Variants in UBE4A observed in about 807,000 individuals in gnomAD.
UBE4A encodes the protein ubiquitin conjugation factor E4 A.
In UBE4A, 48 loss-of-function variants were observed where a neutral mutation model predicts 117.9. The observed-to-expected ratio is 0.41, with a 90% CI of 0.32 to 0.52. UBE4A has a LOEUF of 0.52. Ranked by LOEUF, UBE4A falls within the 20% of genes least tolerant of loss-of-function variation. The pLI, the probability that UBE4A is intolerant of heterozygous loss-of-function variation, is 0.33. For missense variants in UBE4A, 1,067 were observed against 1,296.3 expected (o/e 0.82, Z 2.72); for synonymous variants, 407 against 450.0 (o/e 0.90, Z 1.21).
chr11:118,370,674 T>C lies in UBE4A; in HGVS notation c.409-840T>C, dbSNP rs117780733. Among the ~76,000 whole-genome samples the C allele has an allele frequency of 1.8e-3, 270 of 152,138 alleles. 1 individual carries two copies. Among genetic ancestry groups the C allele is most frequent in the Non-Finnish European group, 3.1e-3 (214 of 67,996 alleles). On this transcript the variant is annotated intron_variant, in intron 4 of 19. Coordinates refer to ENST00000252108, the MANE Select transcript of UBE4A (RefSeq NM_001204077.2). ...AGTAATTTATAAAGAAAAGTTTATT[T>C]AGCTCACAGTTCTGCAGGCTGAGAA...
intron 17 of UBE4A, 50 bp from the exon 18 acceptor site, chr11:118,390,607 C>T (rs369523625): frequency 7.1e-7 from 1 of 1,411,098 alleles, no homozygotes; most frequent in Non-Finnish European, 9.3e-7. Context: ...TTGTCTCTTC[C>T]ATTGACCAAC....
intron 8 of UBE4A, 124 bp downstream of exon 8, chr11:118,373,809 C>A: frequency 1.7e-6 from 2 of 1,190,426 alleles, no homozygotes; most frequent in Non-Finnish European, 2.3e-6. Context: ...GCTTTTACAT[C>A]ACATAAATAA....
intron 9 of UBE4A, among the ~76,000 whole-genome samples, chr11:118,376,327 T>C (rs1948652043): frequency 6.6e-6 from 1 of 152,222 alleles, no homozygotes; most frequent in Non-Finnish European, 1.5e-5. Context: ...ATACAAATGA[T>C]CTATTGCCTA....
intron 18 of UBE4A, among the ~76,000 whole-genome samples, chr11:118,392,358 C>G (rs782245670): frequency 6.6e-6 from 1 of 152,204 alleles, no homozygotes; most frequent in Non-Finnish European, 1.5e-5. Context: ...ATGAGTGACT[C>G]TAATTATGCA....
In UBE4A at chr11:118,384,987, C is replaced by T; in HGVS notation, c.2412+42C>T. ...AAAAAAAGATTTAACTTCTCCATAC[C>T]ATCAAATCATCAGCAGTACATACAT... On this transcript the variant is annotated intron_variant, in intron 15 of 19. Transcript: ENST00000252108. 2.7e-6 allele frequency: 4 copies of T among 1,462,710 alleles called. 1 individual carries two copies. The highest frequency in any genetic ancestry group is 3.8e-6 in the Non-Finnish European group (4 of 1,065,136). 90.6% of individuals were successfully genotyped at this position (1,462,710 alleles called of 1,614,324 possible). A position where few individuals can be genotyped will look rare whatever the true frequency, so the allele number is the denominator to read the frequency against.
chr11:118,380,169 G>GTT (rs1555126089), intron 11 of UBE4A, among the ~76,000 whole-genome samples: 1 of 148,398 alleles, frequency 6.7e-6, no homozygotes, highest in Non-Finnish European at 1.5e-5. Flanking sequence ...GTGTGTGTGT[G>GTT]TGTGTGTCAG....
intron 19 of UBE4A, 75 bp downstream of exon 19, chr11:118,392,970 A>G: frequency 1.4e-6 from 2 of 1,479,986 alleles, no homozygotes; most frequent in South Asian, 2.6e-5. Flanking sequence ...CAGGCACCTA[A>G]GACAGTACTT....
Position 118,381,466 on chromosome 11 carries a change from C to G in UBE4A, c.1952C>G (p.Ala651Gly). Residue 651 changes from alanine (A) to glycine (G), a missense_variant, in exon 12 of 20, where the codon GCA becomes GGA. Ala to Gly is a moderately conservative substitution (Grantham distance 60). Around this residue, in one of 3 missense-constraint regions of UBE4A, gnomAD observed 1,001 missense variants for 1,184.0 expected, o/e 0.85. Coordinates refer to ENST00000252108, the MANE Select transcript of UBE4A (RefSeq NM_001204077.2). ...GCCGATGACATTTTGGAGACATCAG[C>G]AGATTCCCTGGAGCATGTCCTTCAC... ...RFADDILETS[A>G]DSLEHVLHFI... The G allele has an allele frequency of 6.2e-7, 1 of 1,614,184 alleles. No homozygotes were observed. The highest frequency in any genetic ancestry group is 8.5e-7 in the Non-Finnish European group (1 of 1,180,022).
intron 10 of UBE4A, 26 bp from the exon 11 acceptor site, chr11:118,379,420 A>G (rs1948680501): frequency 6.2e-7 from 1 of 1,602,212 alleles, no homozygotes; most frequent in Non-Finnish European, 8.5e-7. Flanking sequence ...TCCCTGACCC[A>G]GTCTCTTCTG....
Position 118,361,002 on chromosome 11 carries a change from G to A in UBE4A, c.-42+1328G>A, listed in dbSNP as rs1948516164. 2.1e-5 allele frequency among the ~76,000 whole-genome samples: 3 copies of A among 140,836 alleles called. No homozygotes were observed. The South Asian group carries it at 8.3e-4, about 39-fold the overall frequency. The allele number at this position is 140,836 out of a possible 152,430, so 92.4% of individuals were successfully genotyped here. ...TATGTATATATGTGTGTGTGTGTGT[G>A]TGTGTATTTTTTTTTTTTTTTTTTT... On this transcript the variant is annotated intron_variant, in intron 1 of 19. Coordinates refer to ENST00000252108, the MANE Select transcript of UBE4A (RefSeq NM_001204077.2).
chr11:118,397,143 T>C lies in UBE4A; in HGVS notation c.*703T>C, dbSNP rs1948882207. ...CCAATTGATGGGGGTGAGGAGACTG[T>C]TGGGCCCTTATTCTCTTATGAAAAT... is the stretch of plus-strand genomic sequence containing the variant. On this transcript the variant is annotated 3_prime_UTR_variant, in exon 20 of 20. Coordinates refer to ENST00000252108, the MANE Select transcript of UBE4A (RefSeq NM_001204077.2). 6.6e-6 allele frequency: 1 copy of C among 152,194 alleles called. No homozygotes were observed. The highest frequency in any genetic ancestry group is 6.5e-5 in the Admixed American group (1 of 15,270). The allele number at this position is 152,194 out of a possible 1,614,324, so 9.4% of individuals were successfully genotyped here. A position where few individuals can be genotyped will look rare whatever the true frequency, so the allele number is the denominator to read the frequency against.
At chr11:118,391,436 C>T (rs1211169006) in intron 18 of UBE4A, among the ~76,000 whole-genome samples, 3 of 149,754 alleles carry the variant, frequency 2.0e-5, no homozygotes, top group African/African-American at 4.9e-5. Flanking sequence ...TTGCAGTGAT[C>T]GCAACCACTG....
chr11:118,385,001 C>T (rs1948743446), intron 15 of UBE4A, 56 bp downstream of exon 15: 1 of 1,431,160 alleles, frequency 7.0e-7, no homozygotes, highest in Non-Finnish European at 9.6e-7. Flanking sequence ...AAATCATCAG[C>T]AGTACATACA....
In UBE4A at chr11:118,369,454, C is replaced by G. The variant is rs964466936; in HGVS notation, c.327C>G (p.Ile109Met). The change falls in exon 4 of 20, where the codon ATC becomes ATG. Residue 109 changes from isoleucine to methionine, a missense_variant. By Grantham distance (10) the Ile-to-Met change is conservative. Coordinates refer to ENST00000252108, the MANE Select transcript of UBE4A (RefSeq NM_001204077.2). Reference sequence around the variant, plus strand: ...CCAGCTTGAAAAGCGGGAATGGCATCCCTAGCCGTTGTGTGTATTTGGAAG... The same window carrying G: ...CCAGCTTGAAAAGCGGGAATGGCATGCCTAGCCGTTGTGTGTATTTGGAAG... ...SDPSLKSGNG[I>M]PSRCVYLEEM... 22 of 1,614,040 alleles carry G rather than the reference C, an allele frequency of 1.4e-5. No individual in the cohort carries two copies. The highest frequency in any genetic ancestry group is 1.5e-5 in the Non-Finnish European group (18 of 1,180,032).
intron 4 of UBE4A, among the ~76,000 whole-genome samples, chr11:118,371,201 C>T (rs912138038): frequency 3.3e-5 from 5 of 152,186 alleles, no homozygotes; most frequent in African/African-American, 1.2e-4. Context: ...GATCAGCAAT[C>T]ACACAGAATA....
chr11:118,367,776 G>A (rs946390511), intron 2 of UBE4A, among the ~76,000 whole-genome samples: 1 of 152,116 alleles, frequency 6.6e-6, no homozygotes, highest in Non-Finnish European at 1.5e-5. Context: ...GGGATTACAG[G>A]TGTGAGCCAC....
chr11:118,375,373 T>G, intron 9 of UBE4A, 144 bp downstream of exon 9: 2 of 864,576 alleles, frequency 2.3e-6, no homozygotes, highest in Non-Finnish European at 3.3e-6. Flanking sequence ...TTTTTCTTTT[T>G]TTTTGAGATG....
intron 9 of UBE4A, 41 bp downstream of exon 9, chr11:118,375,270 G>GTA: frequency 6.7e-7 from 1 of 1,503,632 alleles, no homozygotes; most frequent in South Asian, 1.3e-5. Context: ...GTGTGTGTGT[G>GTA]TGTGTAACGT....
chr11:118,381,615 A>T, intron 12 of UBE4A, 92 bp downstream of exon 12: 1 of 1,519,424 alleles, frequency 6.6e-7, no homozygotes. Flanking sequence ...CTGAATCATA[A>T]GGGGTTGCCT....
Sources: gnomAD v4.1 joint callset for allele counts (sites outside exome capture counted in the v4.1 genomes callset) on GRCh38, gnomAD v4.1.1 for gene constraint, gnomAD v4.1.1 regional missense constraint, MANE v1.5 for transcripts, NCBI Gene and HGNC (gene_info 2026-07-23, HGNC 2026-07-21) for gene names.